TMC7: variants seen among roughly 807,000 people sequenced by gnomAD.
The protein encoded by TMC7 is transmembrane channel like 7, also known as transmembrane channel-like protein 7.
Under a neutral mutation model 82.9 loss-of-function variants are expected in TMC7, and 54 were observed. The observed-to-expected ratio is 0.65, with a 90% confidence interval of 0.52 to 0.82. The LOEUF (loss-of-function observed/expected upper bound fraction) is 0.82. Among genes scored for constraint, TMC7 ranks in the 40% least tolerant of loss-of-function variants. The pLI is 0.00. For synonymous variants in TMC7, 350 were observed against 337.9 expected (o/e 1.04, Z -0.39); for missense variants, 820 against 901.2 (o/e 0.91, Z 1.15).
chr16:19,024,937 C>T (rs1044191546), intron 5 of TMC7, among the ~76,000 whole-genome samples: 5 of 151,950 alleles, frequency 3.3e-5, no homozygotes, highest in South Asian at 2.1e-4. Flanking sequence ...ACCCGGGAGG[C>T]GGAGCTTGCA....
chr16:19,014,973 T>G (rs1041941382), intron 2 of TMC7, among the ~76,000 whole-genome samples: 7 of 151,236 alleles, frequency 4.6e-5, no homozygotes, highest in South Asian at 2.1e-4. Flanking sequence ...TGTTTTTTTG[T>G]TTTTTTTTGA....
chr16:18,989,405 T>G (rs912540529), intron 1 of TMC7, among the ~76,000 whole-genome samples: 5 of 152,164 alleles, frequency 3.3e-5, no homozygotes, highest in Non-Finnish European at 7.3e-5. Flanking sequence ...AGTGGCTTTT[T>G]TTTGTTTGTT....
At chr16:18,994,986 T>TC (rs1567499570) in intron 1 of TMC7, among the ~76,000 whole-genome samples, 1 of 151,500 alleles carries the variant, frequency 6.6e-6, no homozygotes, top group African/African-American at 2.4e-5. Context: ...TGGATTAAGG[T>TC]GGGGAGATAC....
chr16:19,051,149 T>G (rs181823067), intron 12 of TMC7, among the ~76,000 whole-genome samples: 1 of 152,208 alleles, frequency 6.6e-6, no homozygotes, highest in African/African-American at 2.4e-5. Flanking sequence ...TTTGGCCCAT[T>G]TCCCCTTCTA....
intron 15 of TMC7, 196 bp downstream of exon 15, chr16:19,059,690 A>G (rs1961922378): frequency 4.6e-6 from 7 of 1,532,230 alleles, no homozygotes; most frequent in Admixed American, 2.0e-5. Context: ...CAAGATGTGT[A>G]TTAAGGGGGA....
chr16:19,053,353 C>T (rs900304646), intron 13 of TMC7, among the ~76,000 whole-genome samples: 5 of 147,506 alleles, frequency 3.4e-5, no homozygotes, highest in African/African-American at 1.2e-4. Context: ...TGTATCCTTT[C>T]CCATGTCCAT....
intron 9 of TMC7, among the ~76,000 whole-genome samples, chr16:19,041,484 G>C (rs1314132605): frequency 6.6e-6 from 1 of 151,696 alleles, no homozygotes; most frequent in African/African-American, 2.4e-5. Context: ...TCCTGCCTCA[G>C]CCTCTCAAAT....
At chr16:19,052,612 G>C (rs1300424760) in intron 13 of TMC7, among the ~76,000 whole-genome samples, 1 of 152,132 alleles carries the variant, frequency 6.6e-6, no homozygotes. Context: ...AGGAGTTCGA[G>C]ACCAGCATTG....
chr16:19,050,107 C>T (rs988990108), intron 12 of TMC7, among the ~76,000 whole-genome samples: 1 of 152,028 alleles, frequency 6.6e-6, no homozygotes, highest in African/African-American at 2.4e-5. Flanking sequence ...CCCGGTGGCT[C>T]ATGCCTGTAA....
At chr16:19,023,705 C>T (rs559273831) in intron 5 of TMC7, among the ~76,000 whole-genome samples, 1 of 152,304 alleles carries the variant, frequency 6.6e-6, no homozygotes, top group Non-Finnish European at 1.5e-5. Flanking sequence ...CCTTGGCCTC[C>T]CAAAGTACTG....
chr16:19,043,092 TA>T (rs749104396), intron 9 of TMC7, among the ~76,000 whole-genome samples: 3,965 of 146,422 alleles, frequency 0.027, 132 homozygotes, highest in African/African-American at 0.079. Context: ...AAAATTGTCT[TA>T]AAAAAAAAAA....
At chr16:19,026,831 G>A (rs1357253096) in intron 5 of TMC7, among the ~76,000 whole-genome samples, 4 of 151,854 alleles carry the variant, frequency 2.6e-5, no homozygotes, top group African/African-American at 9.7e-5. Context: ...GCATGATCTC[G>A]GCCCACTGCA....
At chr16:19,059,299 C>T in intron 14 of TMC7, 117 bp from the exon 15 acceptor site, 2 of 1,511,798 alleles carry the variant, frequency 1.3e-6, no homozygotes, top group Non-Finnish European at 1.8e-6. Flanking sequence ...GCCATCATGC[C>T]CAGCCTTCTT....
intron 12 of TMC7, among the ~76,000 whole-genome samples, chr16:19,050,780 C>T (rs1596793339): frequency 6.6e-6 from 1 of 152,236 alleles, no homozygotes; most frequent in East Asian, 1.9e-4. Flanking sequence ...GGATTACAGG[C>T]GTGAGCCACC....
intron 12 of TMC7, among the ~76,000 whole-genome samples, chr16:19,049,994 A>G (rs1434047046): frequency 6.6e-6 from 1 of 152,188 alleles, no homozygotes; most frequent in Non-Finnish European, 1.5e-5. Context: ...AAAAAACTTC[A>G]AATAAAGGAA....
chr16:19,023,170 A>T lies in TMC7; in HGVS notation c.686A>T (p.Tyr229Phe). The T allele has an allele frequency of 6.2e-7, 1 of 1,607,364 alleles. No homozygotes were observed. Among genetic ancestry groups the T allele is most frequent in the Non-Finnish European group, 8.5e-7 (1 of 1,174,508 alleles). Residue 229 changes from tyrosine to phenylalanine, a missense_variant, in exon 5 of 16, where the codon TAT becomes TTT. Tyr to Phe is a conservative substitution (Grantham distance 22). Around this residue, in one of 2 missense-constraint regions of TMC7, gnomAD observed 650 missense variants for 669.9 expected, o/e 0.97. Coordinates refer to ENST00000304381, the MANE Select transcript of TMC7 (RefSeq NM_024847.4). ...TCTGGACTCATTTACTTTTACAGTT[A>T]TATCATAGACTTGCTTTCTGGCACT... ...SSSGLIYFYS[Y>F]IIDLLSGTGF... is the part of the protein sequence containing the mutation.
At chr16:19,055,125 G>C (rs1461846529) in intron 13 of TMC7, among the ~76,000 whole-genome samples, 1 of 152,044 alleles carries the variant, frequency 6.6e-6, no homozygotes, top group Non-Finnish European at 1.5e-5. Context: ...GATATGGGGG[G>C]CCAACTGGAT....
chr16:19,047,313 T>C (rs199888196), intron 12 of TMC7, 64 bp downstream of exon 12: 5 of 1,460,330 alleles, frequency 3.4e-6, no homozygotes, highest in Non-Finnish European at 4.7e-6. Context: ...AGGGCACCAA[T>C]ATGTCTGGAG....
chr16:19,002,035 G>A (rs934233225), intron 1 of TMC7, among the ~76,000 whole-genome samples: 15 of 152,174 alleles, frequency 9.9e-5, no homozygotes. Context: ...GCTAGAACGC[G>A]GGGGAAGCTG....
Sources: gnomAD v4.1 joint callset for allele counts (sites outside exome capture counted in the v4.1 genomes callset) on GRCh38, gnomAD v4.1.1 for gene constraint, gnomAD v4.1.1 regional missense constraint, MANE v1.5 for transcripts, NCBI Gene and HGNC (gene_info 2026-07-23, HGNC 2026-07-21) for gene names.